SLC25A28: variants seen among roughly 807,000 people sequenced by gnomAD.
The protein encoded by SLC25A28 is mitoferrin-2.
Under a neutral mutation model 31.9 loss-of-function variants are expected in SLC25A28, and 10 were observed. That is an observed-to-expected ratio of 0.31 (90% CI 0.19 to 0.53). The LOEUF is 0.53. Ranked by LOEUF, SLC25A28 falls within the 20% of genes least tolerant of loss-of-function variation. SLC25A28 has a pLI of 0.95. For missense variants in SLC25A28, 256 were observed against 490.3 expected, an observed-to-expected ratio of 0.52 and a Z score of 4.51; for synonymous variants, 208 against 203.6, an observed-to-expected ratio of 1.02 and a Z score of -0.19.
At chr10:99,614,554 G>A (rs1400999732) in intron 1 of SLC25A28, among the ~76,000 whole-genome samples, 3 of 152,142 alleles carry the variant, frequency 2.0e-5, no homozygotes, top group Non-Finnish European at 4.4e-5. Context: ...CAATCCTGAA[G>A]GGCCCTTCCA....
the SLC25A28 span, among the ~76,000 whole-genome samples, chr10:99,649,600 T>C: frequency 1.1e-4 from 17 of 152,176 alleles, no homozygotes; most frequent in African/African-American, 3.9e-4. Flanking sequence ...TTTGTTGTTG[T>C]TGAGAGATTT....
chr10:99,612,475 T>G (rs998305454), intron 3 of SLC25A28, 68 bp downstream of exon 3: 1 of 1,568,816 alleles, frequency 6.4e-7, no homozygotes, highest in African/African-American at 1.4e-5. Context: ...CTGATGTGCT[T>G]TCTTCTGCAA....
At chr10:99,620,472 A>T (rs1379751835), upstream of SLC25A28, 6 of 1,044,890 alleles carry the variant, frequency 5.7e-6, no homozygotes, top group African/African-American at 6.9e-5. Flanking sequence ...CCCCGCGGAC[A>T]CGCCCCCCAA....
At chr10:99,620,842 C>G (rs906872290), upstream of SLC25A28, 2 of 985,376 alleles carry the variant, frequency 2.0e-6, no homozygotes, top group South Asian at 9.4e-5. Flanking sequence ...CTTCGGGCCC[C>G]TCACTAGCGC....
At chr10:99,644,114 A>G in the SLC25A28 span, among the ~76,000 whole-genome samples, 1 of 152,074 alleles carries the variant, frequency 6.6e-6, no homozygotes, top group Admixed American at 6.6e-5. Flanking sequence ...CAATTCCTGG[A>G]TATCCTTGTT....
the SLC25A28 span, among the ~76,000 whole-genome samples, chr10:99,634,432 A>AATAT: frequency 7.0e-3 from 1,065 of 151,650 alleles, 9 homozygotes; most frequent in Middle Eastern, 0.017. Context: ...TATTCGAGGA[A>AATAT]ATAGCATAAA....
the SLC25A28 span, among the ~76,000 whole-genome samples, chr10:99,641,137 C>T: frequency 1.3e-5 from 2 of 152,162 alleles, no homozygotes; most frequent in African/African-American, 2.4e-5. Context: ...TGAGGAATCG[C>T]CACACTATCT....
chr10:99,635,631 T>G, the SLC25A28 span, among the ~76,000 whole-genome samples: 1 of 149,570 alleles, frequency 6.7e-6, no homozygotes, highest in Non-Finnish European at 1.5e-5. Flanking sequence ...TGAGCAGAGA[T>G]CATGCCACTA....
the SLC25A28 span, among the ~76,000 whole-genome samples, chr10:99,631,938 G>A: frequency 4.8e-5 from 6 of 124,430 alleles, no homozygotes; most frequent in Non-Finnish European, 8.0e-5. Context: ...CGCCCAGGCC[G>A]GACTGCGGAC....
the SLC25A28 span, among the ~76,000 whole-genome samples, chr10:99,657,924 C>T: frequency 3.3e-5 from 5 of 152,198 alleles, no homozygotes; most frequent in African/African-American, 1.2e-4. Flanking sequence ...AGCTGCTCAT[C>T]CCTGTAATCC....
upstream of SLC25A28, among the ~76,000 whole-genome samples, chr10:99,622,168 C>T (rs1230388553): frequency 3.9e-5 from 6 of 152,052 alleles, no homozygotes; most frequent in East Asian, 1.2e-3. Context: ...ATAATAAATA[C>T]AAAAAAGTAC....
At chr10:99,651,594 C>CTTTTCTTTTTT in the SLC25A28 span, among the ~76,000 whole-genome samples, 16 of 110,196 alleles carry the variant, frequency 1.5e-4, no homozygotes, top group Middle Eastern at 7.2e-3. Context: ...TTTTTCTTTT[C>CTTTTCTTTTTT]TTTTTTTTTT....
chr10:99,612,538 A>T lies in SLC25A28; in HGVS notation c.577+5T>A. ...CCACAGAGTGATAGGTTGAGGAATC[A>T]TTACCTTCCGCAGGGTTCATGGCTG... is the stretch of plus-strand genomic sequence containing the variant. On this transcript the variant is annotated splice_donor_5th_base_variant and intron_variant, in intron 3 of 3. Transcript: ENST00000370495. 2.5e-6 allele frequency: 4 copies of T among 1,614,134 alleles called. No homozygotes were observed. The highest frequency in any genetic ancestry group is 3.4e-6 in the Non-Finnish European group (4 of 1,180,006).
chr10:99,620,167 G>A lies in SLC25A28; in HGVS notation c.169C>T (p.Pro57Ser). ...GACRPPVRQD[P>S]DSGPDYEALP... ...GCCTCGTAGTCCGGGCCGGAGTCCGGATCTTGTCGTACCGGGGGCCTGCAG... is the reference window on the plus strand; with the variant it reads ...GCCTCGTAGTCCGGGCCGGAGTCCGAATCTTGTCGTACCGGGGGCCTGCAG... The change falls in exon 1 of 4, where the codon CCG becomes TCG. Residue 57 changes from proline (P) to serine (S), a missense_variant. This residue lies in a region of SLC25A28 where 41 missense variants were observed against 41.7 expected (regional missense o/e 0.98). Coordinates refer to ENST00000370495, the MANE Select transcript of SLC25A28 (RefSeq NM_031212.4). The A allele has an allele frequency of 1.3e-6, 2 of 1,551,048 alleles. No homozygotes were observed. The highest frequency in any genetic ancestry group is 1.7e-6 in the Non-Finnish European group (2 of 1,155,964).
chr10:99,641,531 G>A, the SLC25A28 span, among the ~76,000 whole-genome samples: 1 of 152,166 alleles, frequency 6.6e-6, no homozygotes, highest in Non-Finnish European at 1.5e-5. Flanking sequence ...TGTTCACTCT[G>A]ATGGTAGTTT....
intron 1 of SLC25A28, chr10:99,615,763 A>T: frequency 1.0e-6 from 1 of 985,420 alleles, no homozygotes; most frequent in South Asian, 4.7e-5. Flanking sequence ...ATAAGCAAAG[A>T]TAAATTGAGC....
chr10:99,631,974 G>GC, the SLC25A28 span, among the ~76,000 whole-genome samples: 1 of 124,674 alleles, frequency 8.0e-6, no homozygotes, highest in Non-Finnish European at 1.6e-5. Context: ...TCGGCTCACT[G>GC]CAAGCTCCGC....
At chr10:99,615,975 T>G (rs1424404920) in intron 1 of SLC25A28, 1 of 985,206 alleles carries the variant, frequency 1.0e-6, no homozygotes, top group East Asian at 1.1e-4. Flanking sequence ...TATATACACA[T>G]CTAAATCTAA....
the SLC25A28 span, among the ~76,000 whole-genome samples, chr10:99,639,310 T>A: frequency 6.7e-6 from 1 of 150,184 alleles, no homozygotes; most frequent in Non-Finnish European, 1.5e-5. Flanking sequence ...ATAAGAATGA[T>A]ACAATAGATT....
Sources: gnomAD v4.1 joint callset for allele counts (sites outside exome capture counted in the v4.1 genomes callset) on GRCh38, gnomAD v4.1.1 for gene constraint, gnomAD v4.1.1 regional missense constraint, MANE v1.5 for transcripts, NCBI Gene and HGNC (gene_info 2026-07-23, HGNC 2026-07-21) for gene names.